The following PTPRA variants were observed in gnomAD, a reference collection of about 807,000 sequenced individuals.
PTPRA encodes receptor-type tyrosine-protein phosphatase alpha.
Under a neutral mutation model 104.8 loss-of-function variants are expected in PTPRA, and 25 were observed. That is an observed-to-expected ratio of 0.24 (90% CI 0.17 to 0.33). PTPRA has a LOEUF of 0.33. PTPRA is among the 10% of genes least tolerant of loss of function. The pLI is 1.00. For missense variants in PTPRA, 765 were observed against 1,015.3 expected, an observed-to-expected ratio of 0.75 and a Z score of 3.35; for synonymous variants, 323 against 368.9, an observed-to-expected ratio of 0.88 and a Z score of 1.43.
Position 2,965,044 on chromosome 20 carries a change from A to T in PTPRA, c.257A>T (p.Asn86Ile). The T allele has an allele frequency of 6.2e-7, 1 of 1,614,128 alleles. No homozygotes were observed. The highest frequency in any genetic ancestry group is 8.5e-7 in the Non-Finnish European group (1 of 1,179,978). The change falls in exon 5 of 24, where the codon AAT becomes ATT. Residue 86 changes from asparagine to isoleucine, a missense_variant. Physicochemically the swap from Asn to Ile is moderately radical, Grantham distance 149. Around this residue, in one of 4 missense-constraint regions of PTPRA, gnomAD observed 256 missense variants for 248.9 expected, o/e 1.03. Coordinates refer to ENST00000399903, the MANE Select transcript of PTPRA (RefSeq NM_001385305.1). ...ACTGTCAATTCTTCAGACTCTGACA[A>T]TGGGACCACAAGAACAGCAAGCACC... ...LTTVNSSDSDNGTTRTASTNS... is the reference protein window; with the variant it reads ...LTTVNSSDSDIGTTRTASTNS...
intron 20 of PTPRA, among the ~76,000 whole-genome samples, chr20:3,034,519 T>C (rs1005059007): frequency 9.2e-5 from 14 of 151,766 alleles, no homozygotes; most frequent in Admixed American, 7.9e-4. Flanking sequence ...TAAAAACTAA[T>C]ATAATGCCTG....
chr20:3,037,029 G>A lies in PTPRA; in HGVS notation c.2199-125G>A. 1.5e-6 allele frequency: 2 copies of A among 1,355,858 alleles called. No individual in the cohort carries two copies. The highest frequency in any genetic ancestry group is 2.0e-6 in the Non-Finnish European group (2 of 985,714). The allele number at this position is 1,355,858 out of a possible 1,614,324, so 84.0% of individuals were successfully genotyped here. On this transcript the variant is annotated intron_variant, in intron 22 of 23. Transcript: ENST00000399903. This position sits in a 1 kb window ranked among gnomAD's most constrained non-coding sequence, Gnocchi z 4.3. The stretch of plus-strand genomic sequence containing the variant: ...CGACCCAGAACCCCTCCAGGCTGGT[G>A]GGTCCACAGGGCAAAGGCGAGCACC...
intron 13 of PTPRA, among the ~76,000 whole-genome samples, chr20:3,020,773 C>T (rs765497606): frequency 2.6e-5 from 4 of 152,208 alleles, no homozygotes; most frequent in Non-Finnish European, 5.9e-5. Context: ...TCCACAGTGG[C>T]ATGGGAAGAC....
chr20:2,919,121 C>T (rs2060012161), intron 1 of PTPRA, among the ~76,000 whole-genome samples: 1 of 152,136 alleles, frequency 6.6e-6, no homozygotes, highest in Non-Finnish European at 1.5e-5. Flanking sequence ...ATTTTACTGA[C>T]ATCTTCCAAG....
chr20:2,990,213 G>C (rs2063109570), intron 9 of PTPRA, among the ~76,000 whole-genome samples: 1 of 152,224 alleles, frequency 6.6e-6, no homozygotes, highest in Non-Finnish European at 1.5e-5. Flanking sequence ...AAATACATCA[G>C]CTGGGGCATT....
intron 2 of PTPRA, among the ~76,000 whole-genome samples, chr20:2,947,085 C>T (rs2061163853): frequency 6.6e-6 from 1 of 152,130 alleles, no homozygotes; most frequent in Non-Finnish European, 1.5e-5. Flanking sequence ...AATGAATGAG[C>T]AAATAAGTGG....
chr20:2,925,454 C>T (rs2060258938), intron 2 of PTPRA, among the ~76,000 whole-genome samples: 1 of 152,080 alleles, frequency 6.6e-6, no homozygotes. Context: ...TATGTGTATC[C>T]ATTCATTCAC....
chr20:2,960,249 A>ATT (rs556503635), intron 3 of PTPRA, among the ~76,000 whole-genome samples: 15 of 134,296 alleles, frequency 1.1e-4, no homozygotes, highest in East Asian at 2.2e-4. Flanking sequence ...ACAACCACTG[A>ATT]TTTTTTTTTT....
intron 1 of PTPRA, among the ~76,000 whole-genome samples, chr20:2,899,677 G>C (rs1039625078): frequency 1.1e-4 from 17 of 152,074 alleles, no homozygotes; most frequent in African/African-American, 4.1e-4. Context: ...GATTATATAG[G>C]TATGTATGCA....
chr20:2,990,125 C>CTAG (rs1189294864), intron 9 of PTPRA, among the ~76,000 whole-genome samples: 3 of 152,176 alleles, frequency 2.0e-5, no homozygotes, highest in African/African-American at 7.2e-5. Flanking sequence ...ATCAGAAGTG[C>CTAG]TAGTAGATTG....
At chr20:3,014,311 C>T (rs2064327988) in intron 11 of PTPRA, among the ~76,000 whole-genome samples, 1 of 152,178 alleles carries the variant, frequency 6.6e-6, no homozygotes, top group Non-Finnish European at 1.5e-5. Context: ...TGGGCAGCAA[C>T]CCTGCCCTGC....
chr20:2,905,590 G>A (rs1039483376), intron 1 of PTPRA, among the ~76,000 whole-genome samples: 1 of 151,498 alleles, frequency 6.6e-6, no homozygotes, highest in Non-Finnish European at 1.5e-5. Flanking sequence ...TGAACAAATT[G>A]GATAAATACA....
intron 2 of PTPRA, among the ~76,000 whole-genome samples, chr20:2,946,442 A>T (rs2061133472): frequency 1.3e-5 from 2 of 152,212 alleles, no homozygotes; most frequent in African/African-American, 2.4e-5. Context: ...TGGAATTGGG[A>T]TGGGAAGTAA....
chr20:3,019,362 C>T (rs1347544664), intron 13 of PTPRA, among the ~76,000 whole-genome samples: 9 of 145,728 alleles, frequency 6.2e-5, no homozygotes, highest in African/African-American at 7.7e-5. Context: ...TCAGACCGGG[C>T]GGCTGCTGGG....
chr20:2,942,259 T>G (rs2060948656), intron 2 of PTPRA, among the ~76,000 whole-genome samples: 1 of 152,224 alleles, frequency 6.6e-6, no homozygotes, highest in Non-Finnish European at 1.5e-5. Context: ...AAGCCTTACT[T>G]GATCAGGTTG....
intron 11 of PTPRA, among the ~76,000 whole-genome samples, chr20:3,010,689 C>T (rs1027286507): frequency 1.3e-5 from 2 of 151,948 alleles, no homozygotes; most frequent in African/African-American, 2.4e-5. Context: ...AGAAGAGGAA[C>T]ATATCTGCCT....
At chr20:2,972,686 C>T (rs1568676629) in intron 5 of PTPRA, among the ~76,000 whole-genome samples, 3 of 151,430 alleles carry the variant, frequency 2.0e-5, no homozygotes, top group African/African-American at 7.3e-5. Flanking sequence ...TGTTTTGCTA[C>T]ATGGAAAGGA....
intron 2 of PTPRA, among the ~76,000 whole-genome samples, chr20:2,935,625 C>G (rs1347632020): frequency 2.0e-5 from 3 of 151,746 alleles, no homozygotes; most frequent in Non-Finnish European, 2.9e-5. Context: ...AAGGCTGTAG[C>G]ACAGTTCTGC....
At position 2,883,702 on chromosome 20, in the gene PTPRA, C is replaced by T. The variant is rs371993756; in HGVS notation, c.-129+9942C>T. ...AAGAAAGAAATGTGCAATGGTAGAGCGTTTTCCTCGTTGGAATTTTTTTTA... is the reference window on the plus strand; with the variant it reads ...AAGAAAGAAATGTGCAATGGTAGAGTGTTTTCCTCGTTGGAATTTTTTTTA... On this transcript the variant is annotated intron_variant, in intron 1 of 23. Transcript: ENST00000399903. Among the ~76,000 whole-genome samples, 19 of 150,420 alleles carry T rather than the reference C, an allele frequency of 1.3e-4. 2 individuals are homozygous for T. The highest frequency in any genetic ancestry group is 4.4e-4 in the African/African-American group (18 of 41,160).
Sources: gnomAD v4.1 joint callset for allele counts (sites outside exome capture counted in the v4.1 genomes callset) on GRCh38, gnomAD v4.1.1 for gene constraint, gnomAD v4.1.1 regional missense constraint, Gnocchi (gnomAD v3.1) non-coding constraint, MANE v1.5 for transcripts, NCBI Gene and HGNC (gene_info 2026-07-23, HGNC 2026-07-21) for gene names.